RALYL: variants seen among roughly 807,000 people sequenced by gnomAD.
RALYL encodes RALY RNA binding protein like, also known as RNA-binding Raly-like protein.
RALYL carries 29 observed loss-of-function variants against 35.1 expected under a neutral mutation model. That is an observed-to-expected ratio of 0.83 (90% CI 0.61 to 1.13). The LOEUF is 1.13. RALYL is among the 50% of genes most tolerant of loss of function. The pLI is 0.00. For missense variants in RALYL, 359 were observed against 360.4 expected (o/e 1.00, Z 0.03); for synonymous variants, 120 against 127.6 (o/e 0.94, Z 0.40).
intron 1 of RALYL, among the ~76,000 whole-genome samples, chr8:84,213,984 T>C (rs1820176289): frequency 6.6e-6 from 1 of 152,178 alleles, no homozygotes. Flanking sequence ...TTAAGGATTA[T>C]TAAAGTTCCT....
intron 1 of RALYL, among the ~76,000 whole-genome samples, chr8:84,195,719 A>G (rs754260569): frequency 1.6e-4 from 25 of 152,160 alleles, no homozygotes; most frequent in Non-Finnish European, 3.2e-4. Flanking sequence ...AAAGCCAGGA[A>G]TGTATGACAG....
chr8:84,247,180 G>T (rs979686885), intron 1 of RALYL, among the ~76,000 whole-genome samples: 2 of 152,110 alleles, frequency 1.3e-5, no homozygotes, highest in African/African-American at 2.4e-5. Flanking sequence ...AACTGAACTG[G>T]GTAGAAATGG....
At chr8:84,615,634 G>A (rs1588522798) in intron 2 of RALYL, among the ~76,000 whole-genome samples, 1 of 108,422 alleles carries the variant, frequency 9.2e-6, no homozygotes, top group Non-Finnish European at 1.7e-5. Context: ...TAGGGTACAT[G>A]TGCACATTGT....
intron 2 of RALYL, among the ~76,000 whole-genome samples, chr8:84,759,368 C>T (rs1812160748): frequency 6.6e-6 from 1 of 152,090 alleles, no homozygotes; most frequent in African/African-American, 2.4e-5. Context: ...CATCCTCCTG[C>T]CCAAATACAC....
chr8:84,284,789 A>G (rs897447560), intron 1 of RALYL, among the ~76,000 whole-genome samples: 4 of 152,232 alleles, frequency 2.6e-5, no homozygotes, highest in African/African-American at 9.6e-5. Flanking sequence ...GAAGATGGTT[A>G]GGGCCAAGCT....
At chr8:84,774,764 G>A in intron 3 of RALYL, 110 bp downstream of exon 3, 1 of 699,296 alleles carries the variant, frequency 1.4e-6, no homozygotes, top group Non-Finnish European at 2.4e-6. Flanking sequence ...AATCCTTATT[G>A]GAATAAAGTA....
chr8:84,497,617 TG>T lies in RALYL; in HGVS notation c.-23-31681del, dbSNP rs553505825. On this transcript the variant is annotated intron_variant, in intron 1 of 8. Transcript: ENST00000521268. The stretch of plus-strand genomic sequence containing the variant: ...TGGAAATGAATGATTTTTAAGGTTT[TG>T]TTTTTTTTGTTGTTTTTGTTTTTGT... 4.8e-3 allele frequency among the ~76,000 whole-genome samples: 722 copies of T among 151,084 alleles called. 3 individuals carry two copies. Among genetic ancestry groups the T allele is most frequent in the African/African-American group, 0.017 (693 of 41,080 alleles).
At chr8:84,263,763 G>A (rs970015277) in intron 1 of RALYL, among the ~76,000 whole-genome samples, 4 of 151,774 alleles carry the variant, frequency 2.6e-5, no homozygotes, top group African/African-American at 4.8e-5. Context: ...ATCCTTCCCC[G>A]ACCTCACCCC....
At chr8:84,281,988 A>G (rs1018976843) in intron 1 of RALYL, among the ~76,000 whole-genome samples, 21 of 151,952 alleles carry the variant, frequency 1.4e-4, no homozygotes, top group Non-Finnish European at 2.6e-4. Context: ...TTAGCCATTA[A>G]TGTGCCCTTT....
chr8:84,425,272 G>T (rs2046249959), intron 1 of RALYL, among the ~76,000 whole-genome samples: 1 of 152,094 alleles, frequency 6.6e-6, no homozygotes, highest in Non-Finnish European at 1.5e-5. Flanking sequence ...TTTTAAGCCG[G>T]TCTGAAAAGC....
chr8:84,470,819 A>T (rs1055064727), intron 1 of RALYL, among the ~76,000 whole-genome samples: 3 of 152,166 alleles, frequency 2.0e-5, no homozygotes, highest in Non-Finnish European at 4.4e-5. Context: ...ATATAATTAT[A>T]TGTTAGAGGG....
intron 2 of RALYL, among the ~76,000 whole-genome samples, chr8:84,709,037 C>T (rs149496822): frequency 6.6e-6 from 1 of 152,088 alleles, no homozygotes; most frequent in Non-Finnish European, 1.5e-5. Context: ...GCTTATCGAC[C>T]TTATCCATAT....
intron 1 of RALYL, among the ~76,000 whole-genome samples, chr8:84,305,385 GAAAC>G (rs1841582256): frequency 6.6e-6 from 1 of 152,076 alleles, no homozygotes; most frequent in Non-Finnish European, 1.5e-5. Context: ...CATAAAATAA[GAAAC>G]AATATGTTCA....
intron 1 of RALYL, among the ~76,000 whole-genome samples, chr8:84,238,468 G>T (rs1052698618): frequency 1.3e-5 from 2 of 151,932 alleles, no homozygotes; most frequent in Non-Finnish European, 2.9e-5. Flanking sequence ...CATCCTAGGT[G>T]CACGGTTAAA....
intron 1 of RALYL, among the ~76,000 whole-genome samples, chr8:84,311,260 C>T (rs1455811584): frequency 2.6e-5 from 4 of 151,482 alleles, no homozygotes; most frequent in African/African-American, 9.7e-5. Context: ...TTCATTATCA[C>T]CACTACTGTT....
At chr8:84,523,887 T>G (rs1192355229) in intron 1 of RALYL, among the ~76,000 whole-genome samples, 4 of 152,136 alleles carry the variant, frequency 2.6e-5, no homozygotes. Flanking sequence ...GTTGTATATG[T>G]GCCACATTTT....
At position 84,463,771 on chromosome 8, in the gene RALYL, T is replaced by A. The variant is rs562957357; in HGVS notation, c.-23-65528T>A. Reference sequence around the variant, plus strand: ...AACTAAGGTTTACTGGGAAATAATTTACATACCTTAAAAAATCACCCTTTT... The same window carrying A: ...AACTAAGGTTTACTGGGAAATAATTAACATACCTTAAAAAATCACCCTTTT... On this transcript the variant is annotated intron_variant, in intron 1 of 8. Transcript: ENST00000521268. Among the ~76,000 whole-genome samples, 11 of 152,250 alleles carry A rather than the reference T, an allele frequency of 7.2e-5. No homozygotes were observed. In the South Asian group the frequency reaches 2.3e-3, roughly 32 times the overall value.
intron 2 of RALYL, among the ~76,000 whole-genome samples, chr8:84,681,799 A>T (rs1183521878): frequency 6.6e-6 from 1 of 152,160 alleles, no homozygotes; most frequent in East Asian, 1.9e-4. Context: ...GGACAATTTG[A>T]CTTCCTCTTT....
At chr8:84,444,621 G>A (rs993863848) in intron 1 of RALYL, among the ~76,000 whole-genome samples, 1 of 152,042 alleles carries the variant, frequency 6.6e-6, no homozygotes, top group Non-Finnish European at 1.5e-5. Context: ...TATGGAAGAA[G>A]ATATTTCTAG....
Sources: allele counts gnomAD v4.1 joint callset (sites outside exome capture counted in the v4.1 genomes callset), GRCh38; gene constraint gnomAD v4.1.1; transcripts MANE v1.5; gene names NCBI Gene and HGNC (gene_info 2026-07-23, HGNC 2026-07-21).